Variants in CNTLN observed in about 807,000 individuals in gnomAD.
CNTLN encodes centlein, centrosomal protein.
In CNTLN, 212 loss-of-function variants were observed where a neutral mutation model predicts 180.0. That is an observed-to-expected ratio of 1.18 (90% CI 1.05 to 1.32). The LOEUF is 1.32. Ranked by LOEUF, CNTLN falls within the 40% of genes most tolerant of loss-of-function variation. The probability of loss-of-function intolerance (pLI) is 0.00; values close to 1 mark genes in which losing one functional copy is unlikely to be tolerated. For missense variants in CNTLN, 2,095 were observed against 1,610.9 expected (o/e 1.30, Z -5.14); for synonymous variants, 722 against 563.1 (o/e 1.28, Z -3.99).
the CNTLN span, among the ~76,000 whole-genome samples, chr9:17,519,321 T>C: frequency 6.6e-6 from 1 of 152,002 alleles, no homozygotes; most frequent in African/African-American, 2.4e-5. Context: ...AAAAGTCAGA[T>C]GCATAAAATT....
chr9:17,259,813 C>G (rs199737783), intron 5 of CNTLN, among the ~76,000 whole-genome samples: 14 of 143,956 alleles, frequency 9.7e-5, no homozygotes, highest in South Asian at 2.3e-4. Context: ...TGTGGGATCG[C>G]TGGTGATATC....
chr9:17,325,235 A>T (rs1820189222), intron 8 of CNTLN, among the ~76,000 whole-genome samples: 1 of 149,044 alleles, frequency 6.7e-6, no homozygotes, highest in African/African-American at 2.5e-5. Flanking sequence ...TATTTTCAGG[A>T]TATAGATGAT....
At chr9:17,135,457 C>G (rs1403492497) in intron 1 of CNTLN, 32 bp downstream of exon 1, 1 of 1,570,082 alleles carries the variant, frequency 6.4e-7, no homozygotes. Context: ...CCCCTTTCCC[C>G]ACCACAGCGG....
In CNTLN at chr9:17,440,588, C is replaced by CAAAAAAAAAAAAAAAAA. The variant is rs35350865; in HGVS notation, c.3115-16922_3115-16921insAAAAAAAAAAAAAAAAA. Among the ~76,000 whole-genome samples the CAAAAAAAAAAAAAAAAA allele has an allele frequency of 6.1e-5, 7 of 114,636 alleles. No individual in the cohort carries two copies. In the East Asian group the frequency reaches 1.2e-3, roughly 19 times the overall value. The allele number at this position is 114,636 out of a possible 152,430, so 75.2% of individuals were successfully genotyped here. A position where few individuals can be genotyped will look rare whatever the true frequency, so the allele number is the denominator to read the frequency against. ...TGGGCGACGGAGCGAGACTCCGTCT[C>CAAAAAAAAAAAAAAAAA]AAAAAAAAAAAAAAGAACTGAAAAC... On this transcript the variant is annotated intron_variant, in intron 18 of 25. Coordinates refer to ENST00000380647, the MANE Select transcript of CNTLN (RefSeq NM_017738.4).
chr9:17,178,381 A>G (rs1473750020), intron 2 of CNTLN, among the ~76,000 whole-genome samples: 1 of 152,188 alleles, frequency 6.6e-6, no homozygotes, highest in Non-Finnish European at 1.5e-5. Flanking sequence ...CCGCAGGTGG[A>G]GCTGCCTGCT....
intron 12 of CNTLN, among the ~76,000 whole-genome samples, chr9:17,365,547 G>C (rs760927284): frequency 5.3e-5 from 8 of 152,096 alleles, no homozygotes; most frequent in Admixed American, 2.6e-4. Context: ...GCTCAATTCT[G>C]TTTTACTGGA....
At chr9:17,226,642 A>G (rs2383011) in intron 3 of CNTLN, among the ~76,000 whole-genome samples, 3,386 of 152,086 alleles carry the variant, frequency 0.022, 127 homozygotes, top group African/African-American at 0.077. Context: ...ATAAAAATTG[A>G]GATCCTATTA....
chr9:17,372,469 C>G (rs1824405674), intron 13 of CNTLN, among the ~76,000 whole-genome samples: 2 of 152,024 alleles, frequency 1.3e-5, no homozygotes, highest in African/African-American at 4.8e-5. Flanking sequence ...AGTAAAGACA[C>G]TGATGCCATA....
chr9:17,357,993 A>G (rs1174505859), intron 12 of CNTLN, among the ~76,000 whole-genome samples: 1 of 152,034 alleles, frequency 6.6e-6, no homozygotes. Flanking sequence ...AATCAAATGT[A>G]GGAATGTTAC....
intron 8 of CNTLN, among the ~76,000 whole-genome samples, chr9:17,309,858 T>G (rs1297923356): frequency 6.6e-6 from 1 of 152,100 alleles, no homozygotes; most frequent in Non-Finnish European, 1.5e-5. Flanking sequence ...TAAAAAAATC[T>G]CTGTGAATTT....
intron 13 of CNTLN, among the ~76,000 whole-genome samples, chr9:17,373,769 C>T (rs1228754241): frequency 6.6e-6 from 1 of 152,044 alleles, no homozygotes; most frequent in African/African-American, 2.4e-5. Flanking sequence ...TGAAAATTGA[C>T]ACATAGACCA....
chr9:17,338,331 A>ATTTTTTTTTT (rs1238106698), intron 10 of CNTLN, among the ~76,000 whole-genome samples: 2 of 27,328 alleles, frequency 7.3e-5, no homozygotes, highest in African/African-American at 9.9e-5. Flanking sequence ...CTCCTGGCTA[A>ATTTTTTTTTT]TTTTTGTTTT....
chr9:17,326,587 AG>A (rs1375525065), intron 8 of CNTLN, among the ~76,000 whole-genome samples: 1 of 152,184 alleles, frequency 6.6e-6, no homozygotes, highest in Non-Finnish European at 1.5e-5. Flanking sequence ...CAAGTAAAAA[AG>A]TACAGTATGG....
At chr9:17,473,905 C>A (rs917252457) in intron 23 of CNTLN, among the ~76,000 whole-genome samples, 1 of 152,156 alleles carries the variant, frequency 6.6e-6, no homozygotes, top group Non-Finnish European at 1.5e-5. Flanking sequence ...TCACTCCTTC[C>A]TCCTTGAAGC....
In CNTLN at chr9:17,502,668, C is replaced by T. The variant is rs755395418; in HGVS notation, c.*16C>T. ...TATTAGATGATATTAAAATGGAGAG[C>T]TTTATTGCAAATGTGAAAACTTTTT... On this transcript the variant is annotated 3_prime_UTR_variant, in exon 26 of 26. Coordinates refer to ENST00000380647, the MANE Select transcript of CNTLN (RefSeq NM_017738.4). The T allele has an allele frequency of 9.5e-7, 1 of 1,056,520 alleles. No individual in the cohort carries two copies. Among genetic ancestry groups the T allele is most frequent in the Non-Finnish European group, 1.4e-6 (1 of 740,086 alleles). The allele number at this position is 1,056,520 out of a possible 1,614,324, so 65.4% of individuals were successfully genotyped here.
At position 17,186,987 on chromosome 9, in the gene CNTLN, T is replaced by C. The variant is rs373128610; in HGVS notation, c.450-39216T>C. On this transcript the variant is annotated intron_variant, in intron 2 of 25. Coordinates refer to ENST00000380647, the MANE Select transcript of CNTLN (RefSeq NM_017738.4). ...TTTAGTTTTAGAGTTGTGTCTCTGA[T>C]GTCTGGATTGTTTGGTTCTTGATAA... is the stretch of plus-strand genomic sequence containing the variant. Among the ~76,000 whole-genome samples the C allele has an allele frequency of 1.3e-4, 20 of 152,228 alleles. No homozygotes were observed. The South Asian group carries it at 3.9e-3, about 30-fold the overall frequency.
intron 8 of CNTLN, among the ~76,000 whole-genome samples, chr9:17,321,205 G>A (rs1215727718): frequency 3.3e-5 from 5 of 152,036 alleles, no homozygotes; most frequent in South Asian, 2.1e-4. Flanking sequence ...TACAATATTC[G>A]TCACAGTATA....
chr9:17,412,791 G>A lies in CNTLN; in HGVS notation c.2797-2997G>A, dbSNP rs566376478. The stretch of plus-strand genomic sequence containing the variant: ...ATGGATACCCATTGTATGTCAGGAG[G>A]CATCTGTATATGACACGTATATTAA... On this transcript the variant is annotated intron_variant, in intron 16 of 25. Transcript: ENST00000380647. Among the ~76,000 whole-genome samples, 6 of 152,206 alleles carry A rather than the reference G, an allele frequency of 3.9e-5. No individual in the cohort carries two copies. In the South Asian group the frequency reaches 6.2e-4, roughly 16 times the overall value.
chr9:17,248,485 T>A (rs1395469834), intron 5 of CNTLN, among the ~76,000 whole-genome samples: 1 of 149,994 alleles, frequency 6.7e-6, no homozygotes, highest in Non-Finnish European at 1.5e-5. Flanking sequence ...GTCCATTTTA[T>A]CTAAATTATT....
Sources: gnomAD v4.1 joint callset for allele counts (sites outside exome capture counted in the v4.1 genomes callset) on GRCh38, gnomAD v4.1.1 for gene constraint, MANE v1.5 for transcripts, NCBI Gene and HGNC (gene_info 2026-07-23, HGNC 2026-07-21) for gene names.